The following BRPF3 variants were observed in gnomAD, a reference collection of about 807,000 sequenced individuals.
BRPF3 encodes the protein bromodomain and PHD finger-containing protein 3.
BRPF3 carries 18 observed loss-of-function variants against 102.0 expected under a neutral mutation model. The observed-to-expected ratio is 0.18, with a 90% CI of 0.12 to 0.26. BRPF3 has a LOEUF of 0.26. BRPF3 is among the 10% of genes least tolerant of loss of function. BRPF3 has a pLI of 1.00. For missense variants in BRPF3, 1,147 were observed against 1,567.8 expected, an observed-to-expected ratio of 0.73 and a Z score of 4.53; for synonymous variants, 570 against 614.2, an observed-to-expected ratio of 0.93 and a Z score of 1.06.
intron 10 of BRPF3, among the ~76,000 whole-genome samples, chr6:36,223,501 C>T (rs1411005274): frequency 6.6e-6 from 1 of 152,216 alleles, no homozygotes; most frequent in Non-Finnish European, 1.5e-5. Context: ...ATAGTTCCAT[C>T]ACTGTAACAT....
At chr6:36,228,441 C>G (rs772512141) in intron 11 of BRPF3, among the ~76,000 whole-genome samples, 1 of 152,162 alleles carries the variant, frequency 6.6e-6, no homozygotes, top group African/African-American at 2.4e-5. Context: ...ATCATACCCC[C>G]CTCTCCATCA....
intron 4 of BRPF3, 66 bp downstream of exon 4, chr6:36,207,510 A>G: frequency 1.9e-6 from 3 of 1,565,670 alleles, no homozygotes; most frequent in Non-Finnish European, 2.6e-6. Flanking sequence ...TTAGTCTAGT[A>G]TTGGGAAATC....
At chr6:36,218,990 GA>G (rs1768433466) in intron 9 of BRPF3, among the ~76,000 whole-genome samples, 1 of 152,180 alleles carries the variant, frequency 6.6e-6, no homozygotes, top group South Asian at 2.1e-4. Flanking sequence ...TGCCACAAAG[GA>G]AAAGTGACTT....
chr6:36,217,905 T>G lies in BRPF3; in HGVS notation c.2990-12T>G. The G allele has an allele frequency of 6.2e-7, 1 of 1,612,240 alleles. No homozygotes were observed. Among genetic ancestry groups the G allele is most frequent in the Non-Finnish European group, 8.5e-7 (1 of 1,178,846 alleles). ...TTTCTGCACTCAGACTCACTGTGTGTGTCCTTGGCAGGCATGACCAACGGC... is the reference window on the plus strand; with the variant it reads ...TTTCTGCACTCAGACTCACTGTGTGGGTCCTTGGCAGGCATGACCAACGGC... On this transcript the variant is annotated splice_polypyrimidine_tract_variant and intron_variant, in intron 8 of 12. Transcript: ENST00000357641.
chr6:36,227,473 T>C (rs184543889), intron 11 of BRPF3, among the ~76,000 whole-genome samples: 35 of 152,354 alleles, frequency 2.3e-4, no homozygotes, highest in African/African-American at 7.2e-4. Context: ...ATAGTATTCA[T>C]TGAATGAATG....
rs775199142 is a variant in BRPF3 at position 36,209,774 on chromosome 6, A to G, written c.1738-13A>G. The G allele has an allele frequency of 6.2e-7, 1 of 1,613,244 alleles. No homozygotes were observed. Among genetic ancestry groups the G allele is most frequent in the South Asian group, 1.1e-5 (1 of 90,996 alleles). On this transcript the variant is annotated splice_polypyrimidine_tract_variant and intron_variant, in intron 4 of 12. Coordinates refer to ENST00000357641, the MANE Select transcript of BRPF3 (RefSeq NM_015695.3). ...GGATGTTCTGATCTGATCTCACCCC[A>G]CCTTCCCCACAGGTCAAAGTCCAGC...
At chr6:36,221,200 A>G (rs933934873) in intron 9 of BRPF3, among the ~76,000 whole-genome samples, 20 of 151,512 alleles carry the variant, frequency 1.3e-4, no homozygotes, top group African/African-American at 4.9e-4. Context: ...TTGCCATTCT[A>G]ATTTTTGCTT....
chr6:36,202,421 C>T (rs1441059619), intron 2 of BRPF3, among the ~76,000 whole-genome samples: 2 of 140,740 alleles, frequency 1.4e-5, no homozygotes, highest in Non-Finnish European at 3.1e-5. Context: ...CCCCCCCCCC[C>T]TCCGCCCCCG....
rs1240061544 is a variant in BRPF3, at chr6:36,204,749, C to T, written c.1540C>T (p.Arg514Trp). The change falls in exon 3 of 13, where the codon CGG becomes TGG. Residue 514 changes from arginine to tryptophan, a missense_variant. This residue lies in a region of BRPF3 where 10 missense variants were observed against 30.8 expected (regional missense o/e 0.33). Transcript: ENST00000357641. Reference sequence around the variant, plus strand: ...TTATTGGCTGTTGAAGCGGCAGGCACGGAATGGTGTCCCTCTTATCCGGCG... The same window carrying T: ...TTATTGGCTGTTGAAGCGGCAGGCATGGAATGGTGTCCCTCTTATCCGGCG... ...HNYWLLKRQA[R>W]NGVPLIRRLH... 8 of 1,614,192 alleles carry T rather than the reference C, an allele frequency of 5.0e-6. No individual in the cohort carries two copies. Among genetic ancestry groups the T allele is most frequent in the Non-Finnish European group, 5.9e-6 (7 of 1,180,032 alleles).
chr6:36,225,163 C>T, intron 10 of BRPF3, 104 bp from the exon 11 acceptor site: 1 of 818,142 alleles, frequency 1.2e-6, no homozygotes, highest in South Asian at 1.5e-5. Context: ...GATGTTGTGA[C>T]TCATTCCTGG....
rs752392341 is a variant in BRPF3, at chr6:36,200,529, G to A, written c.207G>A (p.Gln69=). Residue 69 remains glutamine (Q), a synonymous_variant, in exon 2 of 13, where the codon CAG becomes CAA. Transcript: ENST00000357641. The surrounding 1 kb of genome is among the most constrained non-coding windows in gnomAD (Gnocchi z 5.3). ...KIITEDELTA[Q]DITECNSNKE... ...TTACTGAAGATGAGCTAACTGCCCA[G>A]GATATCACCGAATGCAATAGTAACA... 3.7e-6 allele frequency: 6 copies of A among 1,614,200 alleles called. No homozygotes were observed. In the Admixed American group the frequency reaches 1.0e-4, roughly 27 times the overall value.
chr6:36,207,171 A>G (rs2127280776), intron 3 of BRPF3, 142 bp from the exon 4 acceptor site: 2 of 979,702 alleles, frequency 2.0e-6, no homozygotes, highest in South Asian at 3.3e-5. Flanking sequence ...GGCATGGGGT[A>G]GAGAGGGGTG....
At chr6:36,206,639 C>A (rs1767915736) in intron 3 of BRPF3, among the ~76,000 whole-genome samples, 1 of 152,152 alleles carries the variant, frequency 6.6e-6, no homozygotes, top group Non-Finnish European at 1.5e-5. Context: ...CAGAAGAGAC[C>A]TTCCTTACTA....
intron 1 of BRPF3, chr6:36,197,447 A>G (rs993726502): frequency 6.6e-6 from 1 of 152,144 alleles, no homozygotes; most frequent in East Asian, 1.9e-4. Flanking sequence ...CTCTGAGGAG[A>G]TGTTATTTCC....
Position 36,214,209 on chromosome 6 carries a change from G to T in BRPF3, c.2812G>T (p.Val938Phe). Residue 938 changes from valine to phenylalanine, a missense_variant, in exon 8 of 13, where the codon GTT (valine) becomes TTT (phenylalanine). Val to Phe is a conservative substitution (Grantham distance 50). Coordinates refer to ENST00000357641, the MANE Select transcript of BRPF3 (RefSeq NM_015695.3). ...SVLFKKAKNG[V>F]KLQRSPDRVL... ...CCTCTTCAAGAAGGCCAAGAATGGG[G>T]TTAAGCTACAGAGAAGCCCAGACAG... 6.2e-7 allele frequency: 1 copy of T among 1,614,208 alleles called. No homozygotes were observed. Among genetic ancestry groups the T allele is most frequent in the Non-Finnish European group, 8.5e-7 (1 of 1,180,018 alleles).
At chr6:36,207,921 T>C (rs1767962280) in intron 4 of BRPF3, among the ~76,000 whole-genome samples, 1 of 152,244 alleles carries the variant, frequency 6.6e-6, no homozygotes, top group Admixed American at 6.5e-5. Flanking sequence ...AATGTTGAGG[T>C]AGGTAGTGTA....
intron 11 of BRPF3, among the ~76,000 whole-genome samples, chr6:36,228,441 C>A (rs772512141): frequency 1.3e-5 from 2 of 152,162 alleles, no homozygotes; most frequent in Non-Finnish European, 2.9e-5. Context: ...ATCATACCCC[C>A]CTCTCCATCA....
chr6:36,212,364 G>C (rs961953679), intron 7 of BRPF3, among the ~76,000 whole-genome samples: 6 of 151,992 alleles, frequency 3.9e-5, no homozygotes, highest in Non-Finnish European at 8.8e-5. Context: ...AATGGATAGG[G>C]GCCCAAATTG....
intron 8 of BRPF3, among the ~76,000 whole-genome samples, chr6:36,215,243 AG>A (rs983460605): frequency 1.3e-5 from 2 of 152,082 alleles, no homozygotes; most frequent in Non-Finnish European, 2.9e-5. Context: ...CAGCCTCCCA[AG>A]TAGCTGGACT....
Sources: allele counts gnomAD v4.1 joint callset (sites outside exome capture counted in the v4.1 genomes callset), GRCh38; gene constraint gnomAD v4.1.1; regional missense constraint gnomAD v4.1.1; non-coding constraint Gnocchi (gnomAD v3.1); transcripts MANE v1.5; gene names NCBI Gene and HGNC (gene_info 2026-07-23, HGNC 2026-07-21).